NOX1: variants seen among roughly 807,000 people sequenced by gnomAD.
NOX1 encodes NADPH oxidase 1.
Under a neutral mutation model 42.5 loss-of-function variants are expected in NOX1, and 34 were observed. The observed-to-expected ratio is 0.80, with a 90% confidence interval of 0.61 to 1.07. The LOEUF is 1.07. Ranked by LOEUF, NOX1 falls within the 50% of genes least tolerant of loss-of-function variation. NOX1 has a pLI of 0.00. For missense variants in NOX1, 408 were observed against 427.0 expected, an observed-to-expected ratio of 0.96 and a Z score of 0.39; for synonymous variants, 143 against 152.5, an observed-to-expected ratio of 0.94 and a Z score of 0.46.
chrX:100,845,179 G>T (rs1391188315), intron 12 of NOX1, among the ~76,000 whole-genome samples: 2 of 111,018 alleles, frequency 1.8e-5, no homozygotes, highest in Non-Finnish European at 3.8e-5. Context: ...TTCATCATCC[G>T]CAAAGAAACC....
chrX:100,862,163 G>C lies in NOX1; in HGVS notation c.804+8C>G. On this transcript the variant is annotated splice_region_variant and intron_variant, in intron 7 of 12. Coordinates refer to ENST00000372966, the MANE Select transcript of NOX1 (RefSeq NM_007052.5). ...ACAAGAGTCTGTCCTTGCCCGTAGG[G>C]CTCTTACCTCAGGGGGATGCCCTTC... is the stretch of plus-strand genomic sequence containing the variant. The C allele has an allele frequency of 8.3e-7, 1 of 1,211,156 alleles. No individual in the cohort carries two copies. Among genetic ancestry groups the C allele is most frequent in the Non-Finnish European group, 1.1e-6 (1 of 894,813 alleles).
Position 100,863,542 on chromosome X carries a change from C to G in NOX1, c.195G>C (p.Thr65=). Residue 65 remains threonine (T), a synonymous_variant, in exon 3 of 13, where the codon ACG becomes ACC. Transcript: ENST00000372966. The part of the protein sequence containing the change: ...ASALCLNFNS[T]LILLPVCRNL... The stretch of plus-strand genomic sequence containing the variant: ...TGCGACACACAGGAAGCAGGATCAG[C>G]GTGCTGTTAAAATTCAAGCAGAGAG... 1 of 1,210,841 alleles carries G rather than the reference C, an allele frequency of 8.3e-7. No individual in the cohort carries two copies. Among genetic ancestry groups the G allele is most frequent in the Non-Finnish European group, 1.1e-6 (1 of 895,385 alleles).
intron 2 of NOX1, among the ~76,000 whole-genome samples, chrX:100,870,182 G>C (rs1250359114): frequency 9.3e-6 from 1 of 107,879 alleles, no homozygotes; most frequent in Non-Finnish European, 1.9e-5. Context: ...CTCATAAAAT[G>C]AGTTAGGGAG....
rs932355633 is a variant in NOX1, at chrX:100,874,082, A to C, written c.45+13T>G. On this transcript the variant is annotated intron_variant, in intron 1 of 12. Transcript: ENST00000372966. ...AATCCTTCCTAATTAATAGGAAGTC[A>C]AACATCACTTACCAGAAACAAAACT... The C allele has an allele frequency of 1.0e-5, 12 of 1,158,903 alleles. No homozygotes were observed. Among genetic ancestry groups the C allele is most frequent in the African/African-American group, 1.8e-5 (1 of 56,184 alleles).
intron 7 of NOX1, 82 bp downstream of exon 7, chrX:100,862,088 GA>G: frequency 9.8e-7 from 1 of 1,018,754 alleles, no homozygotes; most frequent in Non-Finnish European, 1.4e-6. Context: ...TAATAATGAT[GA>G]TAATAACAAT....
At chrX:100,856,109 G>A (rs2085164976) in intron 7 of NOX1, 4 of 1,005,504 alleles carry the variant, frequency 4.0e-6, no homozygotes, top group Non-Finnish European at 5.6e-6. Flanking sequence ...ATCTTCTCTT[G>A]AGACAGTTCT....
rs1367135571 is a variant in NOX1 at position 100,862,493 on chromosome X, A to C, written c.570T>G (p.Thr190=). Residue 190 remains threonine (T), a synonymous_variant, in exon 6 of 13, where the codon ACT becomes ACG. Transcript: ENST00000372966. ...IMTIALILMV[T]SATEFIRRSY... ...TCCTCCGGATGAACTCAGTAGCTGA[A>C]GTTACCATGAGAATCAAGGCTATTG... is the stretch of plus-strand genomic sequence containing the variant. 1 of 1,209,958 alleles carries C rather than the reference A, an allele frequency of 8.3e-7. No homozygotes were observed.
In NOX1 at chrX:100,874,075, G is replaced by C; in HGVS notation, c.45+20C>G. 1 of 1,120,929 alleles carries C rather than the reference G, an allele frequency of 8.9e-7. No individual in the cohort carries two copies. Among genetic ancestry groups the C allele is most frequent in the Non-Finnish European group, 1.2e-6 (1 of 816,703 alleles). The allele number at this position is 1,120,929 out of a possible 1,213,427, so 92.4% of individuals were successfully genotyped here. Reference sequence around the variant, plus strand: ...TCTCCTTAATCCTTCCTAATTAATAGGAAGTCAAACATCACTTACCAGAAA... The same window carrying C: ...TCTCCTTAATCCTTCCTAATTAATACGAAGTCAAACATCACTTACCAGAAA... On this transcript the variant is annotated intron_variant, in intron 1 of 12. Transcript: ENST00000372966.
chrX:100,854,543 C>T (rs958124793), intron 7 of NOX1, among the ~76,000 whole-genome samples: 2 of 111,004 alleles, frequency 1.8e-5, no homozygotes, highest in Non-Finnish European at 3.8e-5. Context: ...AGCTAGTAAG[C>T]TTTCCTAATA....
At chrX:100,872,867 C>G (rs947721427) in intron 1 of NOX1, among the ~76,000 whole-genome samples, 1 of 110,545 alleles carries the variant, frequency 9.0e-6, no homozygotes, top group African/African-American at 3.3e-5. Context: ...GCCAGGTTCC[C>G]TTTCTCCTAA....
At chrX:100,871,264 G>A (rs896613180) in intron 1 of NOX1, among the ~76,000 whole-genome samples, 4 of 112,062 alleles carry the variant, frequency 3.6e-5, no homozygotes, top group African/African-American at 6.5e-5. Context: ...ATACAATGAC[G>A]GAGTAGAGTA....
chrX:100,848,167 T>A (rs1164328420), intron 12 of NOX1, among the ~76,000 whole-genome samples: 2 of 111,975 alleles, frequency 1.8e-5, no homozygotes, highest in Admixed American at 1.9e-4. Context: ...AAACCCCAGA[T>A]GAAATTTCCT....
In NOX1 at chrX:100,849,931, A is replaced by G. The variant is rs748656551; in HGVS notation, c.1137T>C (p.Ile379=). 1.1e-4 allele frequency: 134 copies of G among 1,192,434 alleles called. No homozygotes were observed. Among genetic ancestry groups the G allele is most frequent in the Non-Finnish European group, 1.5e-4 (130 of 887,604 alleles). Residue 379 remains isoleucine (I), a synonymous_variant, in exon 10 of 13, where the codon ATT becomes ATC. Transcript: ENST00000372966. The part of the protein sequence containing the change: ...FEQQYSPIPR[I]EVDGPFGTAS... The stretch of plus-strand genomic sequence containing the variant: ...CTGTGCCAAAGGGACCATCCACTTC[A>G]ATCCTGGCAGAAGACAGAAGATAAC...
intron 12 of NOX1, among the ~76,000 whole-genome samples, chrX:100,845,611 G>GTT (rs773049273): frequency 0.011 from 476 of 42,719 alleles, 8 homozygotes; most frequent in African/African-American, 0.033. Flanking sequence ...GAAACTATGT[G>GTT]TTTTTTTTTT....
At chrX:100,861,827 A>G (rs995078573) in intron 7 of NOX1, among the ~76,000 whole-genome samples, 1 of 112,345 alleles carries the variant, frequency 8.9e-6, no homozygotes, top group African/African-American at 3.2e-5. Flanking sequence ...AAGAAGTAAT[A>G]TCTCATAGGC....
intron 12 of NOX1, 61 bp from the exon 13 acceptor site, chrX:100,844,139 C>T: frequency 2.0e-6 from 2 of 997,395 alleles, no homozygotes; most frequent in Admixed American, 3.1e-5. Context: ...GAGAAACTGC[C>T]TCTGTTAGGC....
rs763270268 is a variant in NOX1 at position 100,870,559 on chromosome X, T to A, written c.141+160A>T. 1.4e-3 allele frequency among the ~76,000 whole-genome samples: 162 copies of A among 111,946 alleles called. 1 individual carries two copies. The highest frequency in any genetic ancestry group is 4.9e-3 in the African/African-American group (151 of 30,853). On this transcript the variant is annotated intron_variant, in intron 2 of 12. Coordinates refer to ENST00000372966, the MANE Select transcript of NOX1 (RefSeq NM_007052.5). ...TTTGGAGCATACTTACATAAAAAAA[T>A]AATTTGTCATTTATCTGAAACTCAA... is the stretch of plus-strand genomic sequence containing the variant.
rs1456208914 is a variant in NOX1, at chrX:100,862,155, C to A, written c.804+16G>T. On this transcript the variant is annotated intron_variant, in intron 7 of 12. Transcript: ENST00000372966. Reference sequence around the variant, plus strand: ...AGCTCCTAACAAGAGTCTGTCCTTGCCCGTAGGGCTCTTACCTCAGGGGGA... The same window carrying A: ...AGCTCCTAACAAGAGTCTGTCCTTGACCGTAGGGCTCTTACCTCAGGGGGA... The A allele has an allele frequency of 1.7e-6, 2 of 1,210,146 alleles. No individual in the cohort carries two copies. Among genetic ancestry groups the A allele is most frequent in the Middle Eastern group, 2.3e-4 (1 of 4,320 alleles).
chrX:100,853,249 CCTTCCTTCCTTCCTTTCTTTCTTTCTTT>C (rs1428080637), intron 7 of NOX1, among the ~76,000 whole-genome samples: 2,131 of 52,435 alleles, frequency 0.041, 162 homozygotes, highest in Non-Finnish European at 0.046. Context: ...TTCTTTCCTT[CCTTCCTTCCTTCCTTTCTTTCTTTCTTT>C]CTTTCTTTCT....
Sources: gnomAD v4.1 joint callset for allele counts (sites outside exome capture counted in the v4.1 genomes callset) on GRCh38, gnomAD v4.1.1 for gene constraint, MANE v1.5 for transcripts, NCBI Gene and HGNC (gene_info 2026-07-23, HGNC 2026-07-21) for gene names.